The following PGF variants were observed in gnomAD, a reference collection of about 807,000 sequenced individuals.
The protein encoded by PGF is placenta growth factor.
PGF carries 11 observed loss-of-function variants against 25.3 expected under a neutral mutation model. The observed-to-expected ratio is 0.43, with a 90% CI of 0.27 to 0.72. PGF has a LOEUF of 0.72. Among genes scored for constraint, PGF ranks in the 30% least tolerant of loss-of-function variants. The pLI, the probability that PGF is intolerant of heterozygous loss-of-function variation, is 0.18. For synonymous variants in PGF, 105 were observed against 97.9 expected, an observed-to-expected ratio of 1.07 and a Z score of -0.43; for missense variants, 230 against 234.9, an observed-to-expected ratio of 0.98 and a Z score of 0.14.
At chr14:74,947,712 T>A (rs1261531828) in intron 4 of PGF, 2 of 152,258 alleles carry the variant, frequency 1.3e-5, no homozygotes, top group Non-Finnish European at 2.9e-5. Flanking sequence ...ATGAGAAACA[T>A]TCAAGTGCCT....
chr14:74,948,154 G>A (rs983882272), intron 4 of PGF: 4 of 218,212 alleles, frequency 1.8e-5, no homozygotes, highest in Non-Finnish European at 3.6e-5. Flanking sequence ...TTTGCCTCCA[G>A]GCACCTCTTT....
At position 74,949,557 on chromosome 14, in the gene PGF, C is replaced by T. The variant is rs531029280; in HGVS notation, c.119-4G>A. ...CACACTTCCTGGAAGGGTACCACTG[C>T]GAGGAAGCAAGGGGGCTGGGTCAGG... On this transcript the variant is annotated splice_polypyrimidine_tract_variant and splice_region_variant and intron_variant, in intron 2 of 6. Coordinates refer to ENST00000555567, the MANE Select transcript of PGF (RefSeq NM_002632.6). 12 of 1,553,320 alleles carry T rather than the reference C, an allele frequency of 7.7e-6. No individual in the cohort carries two copies. Among genetic ancestry groups the T allele is most frequent in the East Asian group, 2.3e-5 (1 of 43,342 alleles).
intron 1 of PGF, chr14:74,954,353 C>T (rs973383300): frequency 3.6e-5 from 8 of 221,480 alleles, no homozygotes; most frequent in Non-Finnish European, 5.5e-5. Context: ...GGGGCTGGAG[C>T]GGGTGGCGCC....
chr14:74,954,255 C>T, intron 1 of PGF: 1 of 406,436 alleles, frequency 2.5e-6, no homozygotes, highest in Non-Finnish European at 4.6e-6. Context: ...TTCTACCCAG[C>T]CCCCAGGCCA....
intron 4 of PGF, chr14:74,946,798 T>C (rs1365406528): frequency 1.4e-6 from 1 of 728,588 alleles, no homozygotes; most frequent in Non-Finnish European, 2.5e-6. Context: ...GGACAGGAGA[T>C]GATGGCCAGA....
At chr14:74,952,005 G>C (rs568982278) in intron 2 of PGF, among the ~76,000 whole-genome samples, 1 of 152,134 alleles carries the variant, frequency 6.6e-6, no homozygotes, top group Admixed American at 6.5e-5. Flanking sequence ...GACCTGCTCC[G>C]GGAGGGGGTG....
chr14:74,943,910 A>C (rs1243523702), intron 6 of PGF, among the ~76,000 whole-genome samples: 1 of 152,082 alleles, frequency 6.6e-6, no homozygotes, highest in East Asian at 1.9e-4. Flanking sequence ...CTCATATATC[A>C]TTTTTTTGTG....
In PGF at chr14:74,950,483, G is replaced by A. The variant is rs1235921793; in HGVS notation, c.119-930C>T. Among the ~76,000 whole-genome samples the A allele has an allele frequency of 1.3e-5, 2 of 152,324 alleles. No homozygotes were observed. The highest frequency in any genetic ancestry group is 1.9e-4 in the East Asian group (1 of 5,188). ...TCATCCGGGTCATCCCTGACCTCAC[G>A]ATGTCCTGGCGATCGTGAATGGGAT... On this transcript the variant is annotated intron_variant, in intron 2 of 6. Coordinates refer to ENST00000555567, the MANE Select transcript of PGF (RefSeq NM_002632.6). This position sits in a 1 kb window ranked among gnomAD's most constrained non-coding sequence, Gnocchi z 4.1.
At chr14:74,943,170 T>G (rs2140399780) in intron 6 of PGF, among the ~76,000 whole-genome samples, 1 of 152,322 alleles carries the variant, frequency 6.6e-6, no homozygotes, top group Non-Finnish European at 1.5e-5. Context: ...TAGACGCACG[T>G]GAGGCCTGAG....
chr14:74,953,826 T>C lies in PGF; in HGVS notation c.118+78A>G. On this transcript the variant is annotated intron_variant, in intron 2 of 6. Transcript: ENST00000555567. The surrounding 1 kb of genome is among the most constrained non-coding windows in gnomAD (Gnocchi z 5.4). ...AGCTTTTATCAACCTGCACCCACGCTTCATGCCACACCTGGGCTTGGGAGA... is the reference window on the plus strand; with the variant it reads ...AGCTTTTATCAACCTGCACCCACGCCTCATGCCACACCTGGGCTTGGGAGA... The C allele has an allele frequency of 6.9e-7, 1 of 1,444,430 alleles. No homozygotes were observed. The highest frequency in any genetic ancestry group is 1.7e-5 in the Admixed American group (1 of 59,808). The allele number at this position is 1,444,430 out of a possible 1,614,324, so 89.5% of individuals were successfully genotyped here.
intron 4 of PGF, chr14:74,947,146 G>A: frequency 2.2e-6 from 1 of 456,208 alleles, no homozygotes; most frequent in Non-Finnish European, 3.9e-6. Flanking sequence ...TCTTGGGACT[G>A]TCTGGTTGTA....
chr14:74,951,363 G>T (rs1054457153), intron 2 of PGF, among the ~76,000 whole-genome samples: 2 of 152,192 alleles, frequency 1.3e-5, no homozygotes, highest in African/African-American at 4.8e-5. Context: ...TGCAATCCTG[G>T]GTCAGAGAGC....
At chr14:74,954,094 A>G (rs927311664) in intron 1 of PGF, 148 bp from the exon 2 acceptor site, 4 of 696,890 alleles carry the variant, frequency 5.7e-6, no homozygotes, top group African/African-American at 5.3e-5. Flanking sequence ...CAGCCTGAGT[A>G]CCACTAAAAA....
In PGF at chr14:74,946,270, C is replaced by G. The variant is rs1265461451; in HGVS notation, c.428G>C (p.Arg143Thr). 1.2e-6 allele frequency: 2 copies of G among 1,614,180 alleles called. No individual in the cohort carries two copies. The highest frequency in any genetic ancestry group is 3.3e-5 in the Admixed American group (2 of 60,036). ...LREKMKPERR[R>T]PKGRGKRRRE... ...CCTCCTCTTCCCCCTGCCCTTGGGT[C>G]TCCTCCTGCAATAAGCCAAGCGTCA... is the stretch of plus-strand genomic sequence containing the variant. The change falls in exon 6 of 7, where the codon AGA becomes ACA. Residue 143 changes from arginine to threonine, a missense_variant. Coordinates refer to ENST00000555567, the MANE Select transcript of PGF (RefSeq NM_002632.6).
intron 4 of PGF, chr14:74,946,888 G>A (rs1332126822): frequency 1.3e-6 from 1 of 759,970 alleles, no homozygotes; most frequent in Non-Finnish European, 2.4e-6. Context: ...GTGGGAGGAA[G>A]GAGGGAGCAT....
chr14:74,951,100 G>A (rs1247045836), intron 2 of PGF, among the ~76,000 whole-genome samples: 3 of 152,180 alleles, frequency 2.0e-5, no homozygotes, highest in Non-Finnish European at 2.9e-5. Context: ...ACCCAGAGGC[G>A]GTGTGTCCAT....
rs766285875 is a variant in PGF at position 74,953,979 on chromosome 14, G to T, written c.76-33C>A. 1 of 1,611,364 alleles carries T rather than the reference G, an allele frequency of 6.2e-7. No individual in the cohort carries two copies. Among genetic ancestry groups the T allele is most frequent in the Non-Finnish European group, 8.5e-7 (1 of 1,178,098 alleles). On this transcript the variant is annotated intron_variant, in intron 1 of 6. Transcript: ENST00000555567. The surrounding 1 kb of genome is among the most constrained non-coding windows in gnomAD (Gnocchi z 5.4). ...CAGAAAAGTGCAGAGGTGAGCTGGG[G>T]GTACCTTGGAGCTCTGCACTCTTGG...
At position 74,950,302 on chromosome 14, in the gene PGF, G is replaced by C. The variant is rs746133616; in HGVS notation, c.119-749C>G. Among the ~76,000 whole-genome samples, 4 of 152,214 alleles carry C rather than the reference G, an allele frequency of 2.6e-5. No homozygotes were observed. The highest frequency in any genetic ancestry group is 9.6e-5 in the African/African-American group (4 of 41,452). ...CACAGATGAGCCTCCCTTGAGCACT[G>C]CTTGGCCTCTGGCCTCAAGGGGTTG... On this transcript the variant is annotated intron_variant, in intron 2 of 6. Coordinates refer to ENST00000555567, the MANE Select transcript of PGF (RefSeq NM_002632.6). The surrounding 1 kb of genome is among the most constrained non-coding windows in gnomAD (Gnocchi z 4.1).
intron 4 of PGF, chr14:74,947,126 T>G (rs1888757528): frequency 4.2e-6 from 2 of 474,330 alleles, no homozygotes; most frequent in Non-Finnish European, 7.5e-6. Flanking sequence ...CAGGGCAAGG[T>G]ACCAGGGCCT....
Sources: allele counts gnomAD v4.1 joint callset (sites outside exome capture counted in the v4.1 genomes callset), GRCh38; gene constraint gnomAD v4.1.1; non-coding constraint Gnocchi (gnomAD v3.1); transcripts MANE v1.5; gene names NCBI Gene and HGNC (gene_info 2026-07-23, HGNC 2026-07-21).